Variants in SLC1A3 observed in about 807,000 individuals in gnomAD.
The protein encoded by SLC1A3 is excitatory amino acid transporter 1.
Under a neutral mutation model 48.1 loss-of-function variants are expected in SLC1A3, and 21 were observed. That is an observed-to-expected ratio of 0.44 (90% CI 0.31 to 0.63). The LOEUF (loss-of-function observed/expected upper bound fraction) is 0.63, where lower values mean the gene tolerates loss of function less well. Among genes scored for constraint, SLC1A3 ranks in the 20% least tolerant of loss-of-function variants. SLC1A3 has a pLI of 0.08. For synonymous variants in SLC1A3, 239 were observed against 251.4 expected, an observed-to-expected ratio of 0.95 and a Z score of 0.47; for missense variants, 546 against 689.0, an observed-to-expected ratio of 0.79 and a Z score of 2.32.
intron 2 of SLC1A3, chr5:36,613,520 T>C (rs1739293469): frequency 6.6e-6 from 1 of 152,352 alleles, no homozygotes; most frequent in South Asian, 2.1e-4. Flanking sequence ...CTGCTTGAGT[T>C]CGTGGAGCAG....
chr5:36,686,582 T>A lies in SLC1A3; in HGVS notation c.*313T>A, dbSNP rs6860949. On this transcript the variant is annotated 3_prime_UTR_variant, in exon 10 of 10. Transcript: ENST00000265113. ...CACAATCCTATAAATGTGATTTTTTTATATAAGTTAAAGAGACAAATAGTA... is the reference window on the plus strand; with the variant it reads ...CACAATCCTATAAATGTGATTTTTTAATATAAGTTAAAGAGACAAATAGTA... 0.012 allele frequency: 4,069 copies of A among 329,504 alleles called. 161 individuals carry two copies. The highest frequency in any genetic ancestry group is 0.078 in the African/African-American group (3,692 of 47,238). The allele number at this position is 329,504 out of a possible 1,614,324, so 20.4% of individuals were successfully genotyped here. A position where few individuals can be genotyped will look rare whatever the true frequency, so the allele number is the denominator to read the frequency against.
In SLC1A3 at chr5:36,608,445, G is replaced by A. The variant is rs757310275; in HGVS notation, c.22G>A (p.Glu8Lys). 1 of 1,613,918 alleles carries A rather than the reference G, an allele frequency of 6.2e-7. No homozygotes were observed. Among genetic ancestry groups the A allele is most frequent in the East Asian group, 2.2e-5 (1 of 44,898 alleles). The change falls in exon 2 of 10, where the codon GAG becomes AAG. Residue 8 changes from glutamate to lysine, a missense_variant. This residue lies in a region of SLC1A3 where 348 missense variants were observed against 392.0 expected (regional missense o/e 0.89). Coordinates refer to ENST00000265113, the MANE Select transcript of SLC1A3 (RefSeq NM_004172.5). MTKSNGE[E>K]PKMGGRMERF... ...AAATATGACTAAAAGCAATGGAGAA[G>A]AGCCCAAGATGGGGGGCAGGATGGA...
chr5:36,671,641 C>A (rs1323232806), intron 4 of SLC1A3, among the ~76,000 whole-genome samples: 1 of 152,094 alleles, frequency 6.6e-6, no homozygotes, highest in Non-Finnish European at 1.5e-5. Context: ...GTATCATTGC[C>A]CACTATGCAC....
chr5:36,646,286 GT>G lies in SLC1A3; in HGVS notation c.319+16702del. Reference sequence around the variant, plus strand: ...CGCTGATAGAATATTGCATGGACAAGTTTAGATAACAAGGGCTGGTATTTTT... The same window carrying G: ...CGCTGATAGAATATTGCATGGACAAGTTAGATAACAAGGGCTGGTATTTTT... On this transcript the variant is annotated intron_variant, in intron 3 of 9. Coordinates refer to ENST00000265113, the MANE Select transcript of SLC1A3 (RefSeq NM_004172.5). 2.0e-5 allele frequency among the ~76,000 whole-genome samples: 3 copies of G among 152,304 alleles called. No homozygotes were observed. The South Asian group carries it at 6.2e-4, about 32-fold the overall frequency.
At chr5:36,674,761 G>T (rs1742138652) in intron 5 of SLC1A3, among the ~76,000 whole-genome samples, 1 of 152,118 alleles carries the variant, frequency 6.6e-6, no homozygotes, top group South Asian at 2.1e-4. Flanking sequence ...CAAATTCATT[G>T]TGTTGACTCC....
At position 36,676,951 on chromosome 5, in the gene SLC1A3, T is replaced by C; in HGVS notation, c.627T>C (p.Leu209=). Reference sequence around the variant, plus strand: ...TGCCCATCCAGGCCAACGAAACGCTTGTGGGTGCTGTGATAAACAATGTGT... The same window carrying C: ...TGCCCATCCAGGCCAACGAAACGCTCGTGGGTGCTGTGATAAACAATGTGT... ...FKVPIQANET[L]VGAVINNVSE... The change falls in exon 6 of 10, where the codon CTT becomes CTC. Residue 209 remains leucine (L), a synonymous_variant. Coordinates refer to ENST00000265113, the MANE Select transcript of SLC1A3 (RefSeq NM_004172.5). 1 of 1,613,900 alleles carries C rather than the reference T, an allele frequency of 6.2e-7. No homozygotes were observed. Among genetic ancestry groups the C allele is most frequent in the Non-Finnish European group, 8.5e-7 (1 of 1,179,866 alleles).
chr5:36,648,954 C>T (rs1349032122), intron 3 of SLC1A3, among the ~76,000 whole-genome samples: 1 of 152,158 alleles, frequency 6.6e-6, no homozygotes, highest in East Asian at 1.9e-4. Context: ...CCCGACTGTA[C>T]AGTGCTATAA....
intron 3 of SLC1A3, among the ~76,000 whole-genome samples, chr5:36,654,820 T>C (rs1471501326): frequency 6.6e-6 from 1 of 152,174 alleles, no homozygotes; most frequent in Admixed American, 6.5e-5. Flanking sequence ...CTGTTAACCA[T>C]AGACTCCAGG....
rs540812303 is a variant in SLC1A3, at chr5:36,609,094, T to C, written c.181+490T>C. The C allele has an allele frequency of 5.1e-6, 5 of 987,288 alleles. No individual in the cohort carries two copies. The East Asian group carries it at 5.6e-4, about 111-fold the overall frequency. The allele number at this position is 987,288 out of a possible 1,614,324, so 61.2% of individuals were successfully genotyped here. ...AGGCACAGAGACCGAATATTTTATG[T>C]GTTTGCACTCTCTCACCCAGCAACT... On this transcript the variant is annotated intron_variant, in intron 2 of 9. Coordinates refer to ENST00000265113, the MANE Select transcript of SLC1A3 (RefSeq NM_004172.5).
intron 4 of SLC1A3, among the ~76,000 whole-genome samples, chr5:36,672,049 T>C (rs746100121): frequency 2.0e-5 from 3 of 152,260 alleles, no homozygotes; most frequent in Non-Finnish European, 1.5e-5. Flanking sequence ...CTACAAACGA[T>C]GGTAAGGCCT....
intron 3 of SLC1A3, among the ~76,000 whole-genome samples, chr5:36,644,352 T>G (rs540651257): frequency 2.0e-5 from 3 of 152,338 alleles, no homozygotes; most frequent in Admixed American, 2.0e-4. Flanking sequence ...ATTCAAATGT[T>G]AAGTCTTTGG....
intron 2 of SLC1A3, among the ~76,000 whole-genome samples, chr5:36,623,472 C>T (rs1342999927): frequency 6.6e-6 from 1 of 151,954 alleles, no homozygotes. Flanking sequence ...AGCTTTTTGT[C>T]AGCTTTGGGA....
intron 2 of SLC1A3, among the ~76,000 whole-genome samples, chr5:36,625,188 T>C (rs12188037): frequency 7.9e-5 from 12 of 152,222 alleles, no homozygotes; most frequent in Non-Finnish European, 1.6e-4. Context: ...CCTGGTACAG[T>C]GGCTCACGCC....
chr5:36,632,595 A>G (rs1740178841), intron 3 of SLC1A3, among the ~76,000 whole-genome samples: 1 of 152,218 alleles, frequency 6.6e-6, no homozygotes, highest in Admixed American at 6.5e-5. Context: ...TCATGCTCCC[A>G]TAGGAAATAT....
chr5:36,680,719 A>G, intron 8 of SLC1A3, 130 bp downstream of exon 8: 1 of 769,274 alleles, frequency 1.3e-6, no homozygotes, highest in Non-Finnish European at 2.3e-6. Context: ...GGAGTTCAAG[A>G]CTAGCCTGGC....
chr5:36,680,723 G>A, intron 8 of SLC1A3, 134 bp downstream of exon 8: 1 of 754,448 alleles, frequency 1.3e-6, no homozygotes, highest in Non-Finnish European at 2.3e-6. Context: ...TTCAAGACTA[G>A]CCTGGCAACA....
At chr5:36,630,954 C>G (rs1472804259) in intron 3 of SLC1A3, among the ~76,000 whole-genome samples, 10 of 152,198 alleles carry the variant, frequency 6.6e-5, no homozygotes, top group Non-Finnish European at 1.3e-4. Context: ...ACCACAAAAG[C>G]TATATTCATG....
chr5:36,625,513 A>T (rs1739868032), intron 2 of SLC1A3, among the ~76,000 whole-genome samples: 1 of 152,212 alleles, frequency 6.6e-6, no homozygotes, highest in South Asian at 2.1e-4. Flanking sequence ...TAAAGTTGTG[A>T]TGAGTGTTAA....
chr5:36,599,006 T>C (rs993869239), intron 1 of SLC1A3, among the ~76,000 whole-genome samples: 1 of 152,220 alleles, frequency 6.6e-6, no homozygotes, highest in Non-Finnish European at 1.5e-5. Context: ...ATATAAGTAT[T>C]AATGAGATAT....
Sources: gnomAD v4.1 joint callset for allele counts (sites outside exome capture counted in the v4.1 genomes callset) on GRCh38, gnomAD v4.1.1 for gene constraint, gnomAD v4.1.1 regional missense constraint, MANE v1.5 for transcripts, NCBI Gene and HGNC (gene_info 2026-07-23, HGNC 2026-07-21) for gene names.